Variants in DPYD observed in about 807,000 individuals in gnomAD.
DPYD encodes the protein dihydropyrimidine dehydrogenase [NADP(+)].
A neutral mutation model predicts 116.2 loss-of-function variants in DPYD; 109 were observed. That is an observed-to-expected ratio of 0.94 (90% CI 0.80 to 1.10). The LOEUF is 1.10. Among genes scored for constraint, DPYD ranks in the 50% least tolerant of loss-of-function variants. The pLI is 0.00. For missense variants in DPYD, 1,302 were observed against 1,254.5 expected, an observed-to-expected ratio of 1.04 and a Z score of -0.57; for synonymous variants, 440 against 432.0, an observed-to-expected ratio of 1.02 and a Z score of -0.23.
chr1:97,486,167 A>G (rs1678622144), intron 13 of DPYD, among the ~76,000 whole-genome samples: 1 of 152,182 alleles, frequency 6.6e-6, no homozygotes, highest in Non-Finnish European at 1.5e-5. Flanking sequence ...TTAAAGTATA[A>G]TCTTTTTAAA....
rs1277902938 is a variant in DPYD at position 97,595,075 on chromosome 1, G to A, written c.942C>T (p.Ala314=). The change falls in exon 9 of 23, where the codon GCC becomes GCT. Residue 314 remains alanine (A), a synonymous_variant. Coordinates refer to ENST00000370192, the MANE Select transcript of DPYD (RefSeq NM_000110.4). ...ATGTTATACCTGCTTTACTGCCTTTGGCTACAAGTGGCAAAAAGTCTTTGG... is the reference window on the plus strand; with the variant it reads ...ATGTTATACCTGCTTTACTGCCTTTAGCTACAAGTGGCAAAAAGTCTTTGG... ...YTSKDFLPLV[A]KGSKAGMCAC... is the part of the protein sequence containing the mutation. The A allele has an allele frequency of 6.2e-7, 1 of 1,612,960 alleles. No individual in the cohort carries two copies. Among genetic ancestry groups the A allele is most frequent in the African/African-American group, 1.3e-5 (1 of 74,976 alleles).
intron 13 of DPYD, among the ~76,000 whole-genome samples, chr1:97,466,448 TAAC>T (rs998098227): frequency 2.7e-4 from 41 of 151,904 alleles, no homozygotes; most frequent in African/African-American, 9.2e-4. Flanking sequence ...GTAGCAACAG[TAAC>T]AACGACAACA....
chr1:97,284,313 T>C (rs1332830019), intron 18 of DPYD, among the ~76,000 whole-genome samples: 1 of 152,090 alleles, frequency 6.6e-6, no homozygotes, highest in Non-Finnish European at 1.5e-5. Context: ...ATGATGTATA[T>C]TCTCAATATT....
At position 97,834,966 on chromosome 1, in the gene DPYD, GA is replaced by G. The variant is rs1200232507; in HGVS notation, c.151-6771del. Among the ~76,000 whole-genome samples, 12 of 152,032 alleles carry G rather than the reference GA, an allele frequency of 7.9e-5. No individual in the cohort carries two copies. In the East Asian group the frequency reaches 2.1e-3, roughly 27 times the overall value. ...ATATATGATTTCCAGTTCTAATCAA[GA>G]GATTCATATTTCAATAGATAATTGC... On this transcript the variant is annotated intron_variant, in intron 2 of 22. Coordinates refer to ENST00000370192, the MANE Select transcript of DPYD (RefSeq NM_000110.4).
intron 20 of DPYD, among the ~76,000 whole-genome samples, chr1:97,140,984 G>C (rs1293292523): frequency 6.6e-6 from 1 of 152,150 alleles, no homozygotes; most frequent in Non-Finnish European, 1.5e-5. Flanking sequence ...CCAAATGTAA[G>C]TGTGAGCTGA....
At chr1:97,514,358 G>T in intron 13 of DPYD, 1 of 571,926 alleles carries the variant, frequency 1.7e-6, no homozygotes. Context: ...CTTTTTTTCA[G>T]CTATAATTCT....
intron 18 of DPYD, among the ~76,000 whole-genome samples, chr1:97,294,382 A>C (rs955884092): frequency 6.6e-6 from 1 of 152,002 alleles, no homozygotes; most frequent in Non-Finnish European, 1.5e-5. Context: ...GAAAGGACTT[A>C]GTATAGGTTT....
chr1:97,375,498 T>C (rs969185266), intron 15 of DPYD, among the ~76,000 whole-genome samples: 1 of 152,236 alleles, frequency 6.6e-6, no homozygotes, highest in Non-Finnish European at 1.5e-5. Flanking sequence ...GGTTTCCTTA[T>C]GGTTTTGCTT....
intron 19 of DPYD, among the ~76,000 whole-genome samples, chr1:97,203,793 C>CAAAAAAAAAAAA (rs56819543): frequency 1.1e-4 from 7 of 65,690 alleles, no homozygotes; most frequent in Non-Finnish European, 1.7e-4. Context: ...ATTCACATTC[C>CAAAAAAAAAAAA]AAAAAAAAAA....
intron 13 of DPYD, among the ~76,000 whole-genome samples, chr1:97,511,799 G>A (rs1288785902): frequency 2.6e-5 from 4 of 151,920 alleles, no homozygotes; most frequent in East Asian, 1.9e-4. Context: ...TAGGCCAGCC[G>A]ATTTTTACGT....
chr1:97,571,434 A>G (rs1652888006), intron 11 of DPYD, among the ~76,000 whole-genome samples: 1 of 151,978 alleles, frequency 6.6e-6, no homozygotes, highest in Non-Finnish European at 1.5e-5. Flanking sequence ...TTTTAAACAG[A>G]ATTCTTAACA....
At chr1:97,821,331 C>A (rs1215302922) in intron 3 of DPYD, among the ~76,000 whole-genome samples, 241 of 113,726 alleles carry the variant, frequency 2.1e-3, no homozygotes, top group African/African-American at 2.4e-3. Flanking sequence ...AACTCCACCT[C>A]AAAAAAAAAA....
At chr1:97,540,702 C>T (rs1367493281) in intron 12 of DPYD, among the ~76,000 whole-genome samples, 1 of 152,174 alleles carries the variant, frequency 6.6e-6, no homozygotes, top group Non-Finnish European at 1.5e-5. Context: ...TCAACTTAAC[C>T]TTCAGCCCCT....
intron 16 of DPYD, among the ~76,000 whole-genome samples, chr1:97,360,600 CTG>C (rs1670670250): frequency 6.6e-6 from 1 of 152,196 alleles, no homozygotes; most frequent in African/African-American, 2.4e-5. Flanking sequence ...TCACAACAAA[CTG>C]TCTCTCAGAC....
At chr1:97,252,933 C>A (rs1663204650) in intron 18 of DPYD, among the ~76,000 whole-genome samples, 1 of 152,018 alleles carries the variant, frequency 6.6e-6, no homozygotes, top group Admixed American at 6.6e-5. Flanking sequence ...ATAAGACTCC[C>A]AGAATTCTAA....
chr1:97,192,517 G>C (rs1317760229), intron 20 of DPYD, among the ~76,000 whole-genome samples: 2 of 152,094 alleles, frequency 1.3e-5, no homozygotes, highest in East Asian at 1.9e-4. Flanking sequence ...TAGCAGTGTT[G>C]CTAAAATCAC....
intron 3 of DPYD, chr1:97,774,767 C>T: frequency 5.6e-6 from 1 of 179,054 alleles, no homozygotes. Flanking sequence ...CTAAATTGAA[C>T]TACCCTGAAG....
intron 16 of DPYD, among the ~76,000 whole-genome samples, chr1:97,334,813 A>G (rs1669201126): frequency 6.6e-6 from 1 of 152,188 alleles, no homozygotes; most frequent in Non-Finnish European, 1.5e-5. Context: ...CAGCAGAACT[A>G]TTTAAATTTG....
chr1:97,354,290 G>A (rs1290246833), intron 16 of DPYD, among the ~76,000 whole-genome samples: 2 of 152,110 alleles, frequency 1.3e-5, no homozygotes, highest in Admixed American at 6.6e-5. Flanking sequence ...TTCTCTTTCT[G>A]TCCTCTCATC....
Sources: gnomAD v4.1 joint callset for allele counts (sites outside exome capture counted in the v4.1 genomes callset) on GRCh38, gnomAD v4.1.1 for gene constraint, MANE v1.5 for transcripts, NCBI Gene and HGNC (gene_info 2026-07-23, HGNC 2026-07-21) for gene names.